The following CSMD1 variants were observed in gnomAD, a reference collection of about 807,000 sequenced individuals.
The protein encoded by CSMD1 is CUB and Sushi multiple domains 1.
In CSMD1, 213 loss-of-function variants were observed where a neutral mutation model predicts 417.5. That is an observed-to-expected ratio of 0.51 (90% CI 0.46 to 0.57). The LOEUF (loss-of-function observed/expected upper bound fraction) is 0.57. Among genes scored for constraint, CSMD1 ranks in the 20% least tolerant of loss-of-function variants. CSMD1 has a pLI of 0.00. For synonymous variants in CSMD1, 2,862 were observed against 1,736.8 expected, an observed-to-expected ratio of 1.65 and a Z score of -16.11; for missense variants, 6,923 against 4,529.7, an observed-to-expected ratio of 1.53 and a Z score of -15.17.
At chr8:3,744,210 C>A in intron 6 of CSMD1, among the ~76,000 whole-genome samples, 2 of 152,210 alleles carry the variant, frequency 1.3e-5, no homozygotes, top group Middle Eastern at 6.8e-3. Context: ...ACAGGGATGA[C>A]GTGTTCAAGC....
At chr8:4,311,139 C>T (rs189783222) in intron 3 of CSMD1, among the ~76,000 whole-genome samples, 16 of 152,272 alleles carry the variant, frequency 1.1e-4, no homozygotes, top group African/African-American at 2.6e-4. Context: ...CCCAGCAATA[C>T]CGTGACTGGC....
chr8:3,922,911 A>G (rs967549882), intron 5 of CSMD1, among the ~76,000 whole-genome samples: 10 of 152,194 alleles, frequency 6.6e-5, no homozygotes, highest in Non-Finnish European at 1.3e-4. Flanking sequence ...GAACATGAAC[A>G]CAAATAATGG....
At chr8:3,170,483 C>G (rs766033990) in intron 37 of CSMD1, among the ~76,000 whole-genome samples, 11 of 152,234 alleles carry the variant, frequency 7.2e-5, no homozygotes, top group Non-Finnish European at 1.5e-4. Flanking sequence ...GCTGGGATTA[C>G]AGGCGTGAGC....
At chr8:3,984,920 A>G (rs2627436) in intron 5 of CSMD1, among the ~76,000 whole-genome samples, 39,864 of 151,508 alleles carry the variant, frequency 0.26, 5,335 homozygotes, top group Non-Finnish European at 0.29. Context: ...GCTTCATTGT[A>G]GTTCATTATA....
intron 1 of CSMD1, among the ~76,000 whole-genome samples, chr8:4,846,959 G>C (rs763462410): frequency 9.9e-5 from 15 of 152,116 alleles, no homozygotes; most frequent in African/African-American, 7.2e-5. Flanking sequence ...AGATTATGTA[G>C]TGATTTTTTT....
At position 3,045,809 on chromosome 8, in the gene CSMD1, C is replaced by T. The variant is rs75994657; in HGVS notation, c.7660+6653G>A. On this transcript the variant is annotated intron_variant, in intron 50 of 69. Coordinates refer to ENST00000635120, the MANE Select transcript of CSMD1 (RefSeq NM_033225.6). The stretch of plus-strand genomic sequence containing the variant: ...ATGACCTTCACCAAATTACTCAACT[C>T]ATGCCTTCTTTTGGTTTTCCTCTAT... Among the ~76,000 whole-genome samples, 1,382 of 152,276 alleles carry T rather than the reference C, an allele frequency of 9.1e-3. 12 individuals are homozygous for T. Among genetic ancestry groups the T allele is most frequent in the Admixed American group, 0.014 (218 of 15,292 alleles).
intron 18 of CSMD1, among the ~76,000 whole-genome samples, chr8:3,374,570 C>T (rs1810189675): frequency 6.6e-6 from 1 of 152,194 alleles, no homozygotes; most frequent in Non-Finnish European, 1.5e-5. Flanking sequence ...GACGGACATG[C>T]TGGTGAATCA....
At chr8:3,856,122 G>A (rs1035335448) in intron 5 of CSMD1, among the ~76,000 whole-genome samples, 1 of 152,076 alleles carries the variant, frequency 6.6e-6, no homozygotes, top group African/African-American at 2.4e-5. Context: ...CAGTGCTGGA[G>A]ACGGGGCTTG....
chr8:4,131,325 T>G (rs1454439239), intron 3 of CSMD1, among the ~76,000 whole-genome samples: 1 of 152,182 alleles, frequency 6.6e-6, no homozygotes, highest in Admixed American at 6.5e-5. Flanking sequence ...GGTCTGACTG[T>G]GCTTTCATCT....
At chr8:4,441,032 T>C (rs974933826) in intron 2 of CSMD1, among the ~76,000 whole-genome samples, 4 of 145,574 alleles carry the variant, frequency 2.7e-5, no homozygotes, top group East Asian at 2.1e-4. Flanking sequence ...TGAAAATATA[T>C]ACATCTATTA....
intron 3 of CSMD1, among the ~76,000 whole-genome samples, chr8:4,390,674 C>A (rs143739528): frequency 3.3e-5 from 5 of 151,754 alleles, no homozygotes; most frequent in South Asian, 2.1e-4. Context: ...CCACCACGCC[C>A]GGCTAATTTT....
chr8:4,728,251 G>A (rs1044665411), intron 1 of CSMD1, among the ~76,000 whole-genome samples: 1 of 149,782 alleles, frequency 6.7e-6, no homozygotes, highest in Non-Finnish European at 1.5e-5. Context: ...ATGATATGAA[G>A]TAAAATGCAT....
chr8:3,135,957 T>A (rs568375233), intron 41 of CSMD1, among the ~76,000 whole-genome samples: 19 of 152,132 alleles, frequency 1.2e-4, no homozygotes, highest in Non-Finnish European at 2.2e-4. Context: ...AATTCAGGTG[T>A]CACTGAGGCC....
intron 3 of CSMD1, among the ~76,000 whole-genome samples, chr8:4,178,905 C>A (rs1007414817): frequency 6.6e-6 from 1 of 152,206 alleles, no homozygotes; most frequent in South Asian, 2.1e-4. Context: ...GAACTACAAA[C>A]CACTGCTCAA....
At chr8:4,226,215 T>G (rs1004897582) in intron 3 of CSMD1, among the ~76,000 whole-genome samples, 3 of 152,080 alleles carry the variant, frequency 2.0e-5, no homozygotes, top group African/African-American at 4.8e-5. Flanking sequence ...CTCTTTACCT[T>G]GAAAGGATCC....
At chr8:4,458,120 CTG>C (rs1396442128) in intron 2 of CSMD1, among the ~76,000 whole-genome samples, 1 of 144,530 alleles carries the variant, frequency 6.9e-6, no homozygotes, top group Non-Finnish European at 1.5e-5. Flanking sequence ...ATGAAACTTT[CTG>C]TGTTTAAATT....
At chr8:4,170,026 G>A (rs571738461) in intron 3 of CSMD1, among the ~76,000 whole-genome samples, 14 of 151,720 alleles carry the variant, frequency 9.2e-5, no homozygotes, top group African/African-American at 3.2e-4. Context: ...ATCAATAAGA[G>A]ATTAAATAAT....
At chr8:3,144,753 G>A (rs1196054557) in intron 40 of CSMD1, among the ~76,000 whole-genome samples, 1 of 136,302 alleles carries the variant, frequency 7.3e-6, no homozygotes, top group Admixed American at 8.1e-5. Context: ...ACTCAGAAGT[G>A]AGAAAAAAAG....
chr8:3,411,972 A>ATATATACGTG lies in CSMD1; in HGVS notation c.1562-2368_1562-2367insCACGTATATA. Among the ~76,000 whole-genome samples the ATATATACGTG allele has an allele frequency of 8.9e-3, 47 of 5,300 alleles. 10 individuals are homozygous for ATATATACGTG. The highest frequency in any genetic ancestry group is 0.014 in the East Asian group (1 of 70). 3.5% of individuals were successfully genotyped at this position (5,300 alleles called of 152,430 possible). A position where few individuals can be genotyped will look rare whatever the true frequency, so the allele number is the denominator to read the frequency against. On this transcript the variant is annotated intron_variant, in intron 12 of 69. Coordinates refer to ENST00000635120, the MANE Select transcript of CSMD1 (RefSeq NM_033225.6). ...TATATATACACGTATATATGCACGT[A>ATATATACGTG]TATATACACGTATATATACGTGTAT...
Sources: gnomAD v4.1 joint callset for allele counts (sites outside exome capture counted in the v4.1 genomes callset) on GRCh38, gnomAD v4.1.1 for gene constraint, MANE v1.5 for transcripts, NCBI Gene and HGNC (gene_info 2026-07-23, HGNC 2026-07-21) for gene names.